Variants in STXBP5L observed in about 807,000 individuals in gnomAD.
STXBP5L encodes the protein syntaxin-binding protein 5-like.
A neutral mutation model predicts 144.5 loss-of-function variants in STXBP5L; 65 were observed. The observed-to-expected ratio is 0.45, with a 90% CI of 0.37 to 0.55. The LOEUF is 0.55. Ranked by LOEUF, STXBP5L falls within the 20% of genes least tolerant of loss-of-function variation. STXBP5L has a pLI of 0.00. For synonymous variants in STXBP5L, 505 were observed against 469.6 expected (o/e 1.08, Z -0.97); for missense variants, 1,298 against 1,405.5 (o/e 0.92, Z 1.22).
At chr3:120,961,345 T>G (rs1938791241) in intron 3 of STXBP5L, among the ~76,000 whole-genome samples, 1 of 151,952 alleles carries the variant, frequency 6.6e-6, no homozygotes, top group African/African-American at 2.4e-5. Flanking sequence ...TACATAGGTA[T>G]ACGTGTACCA....
intron 19 of STXBP5L, among the ~76,000 whole-genome samples, chr3:121,297,207 TG>T (rs2108479760): frequency 3.6e-5 from 1 of 28,064 alleles, no homozygotes; most frequent in East Asian, 3.0e-3. Flanking sequence ...ATTATATGTG[TG>T]TGTGTGTGTG....
rs185024278 is a variant in STXBP5L at position 121,394,325 on chromosome 3, T to A, written c.2587+12793T>A. 5.7e-4 allele frequency among the ~76,000 whole-genome samples: 87 copies of A among 152,110 alleles called. 2 individuals carry two copies. The East Asian group carries it at 0.011, about 20-fold the overall frequency. Reference sequence around the variant, plus strand: ...CAAATCTAGGAGTCTTTTGAAGGAGTCTTTAGGGTTTTCTAGTTATAAGGT... The same window carrying A: ...CAAATCTAGGAGTCTTTTGAAGGAGACTTTAGGGTTTTCTAGTTATAAGGT... On this transcript the variant is annotated intron_variant, in intron 22 of 26. Coordinates refer to ENST00000471454, the MANE Select transcript of STXBP5L (RefSeq NM_001308330.2).
intron 5 of STXBP5L, among the ~76,000 whole-genome samples, chr3:121,053,094 G>A (rs1287999214): frequency 1.3e-5 from 2 of 152,110 alleles, no homozygotes; most frequent in Non-Finnish European, 2.9e-5. Flanking sequence ...GGAAATAGAG[G>A]ATACAAACAA....
chr3:121,145,238 A>G (rs1018502198), intron 7 of STXBP5L, among the ~76,000 whole-genome samples: 1 of 151,904 alleles, frequency 6.6e-6, no homozygotes, highest in Non-Finnish European at 1.5e-5. Flanking sequence ...GAATCCCACC[A>G]GCACATTAAA....
Position 121,282,247 on chromosome 3 carries a change from G to T in STXBP5L, c.2110+2291G>T, listed in dbSNP as rs753333961. ...TCTTCTGCCTGCTGCTGATGCTGGT[G>T]GTCTGGCATGTTCCAAAGACAACTT... On this transcript the variant is annotated intron_variant, in intron 19 of 26. Coordinates refer to ENST00000471454, the MANE Select transcript of STXBP5L (RefSeq NM_001308330.2). The T allele has an allele frequency of 2.5e-6, 4 of 1,606,758 alleles. No individual in the cohort carries two copies. In the Admixed American group the frequency reaches 5.0e-5, roughly 20 times the overall value.
chr3:121,338,682 GGAAA>G (rs2044599958), intron 20 of STXBP5L, among the ~76,000 whole-genome samples: 1 of 150,244 alleles, frequency 6.7e-6, no homozygotes, highest in Non-Finnish European at 1.5e-5. Context: ...GAAAGAGGAA[GGAAA>G]GAAGGAAGGA....
chr3:120,999,518 TTATC>T (rs1391503318), intron 3 of STXBP5L, among the ~76,000 whole-genome samples: 8 of 152,268 alleles, frequency 5.3e-5, no homozygotes, highest in Admixed American at 3.9e-4. Flanking sequence ...TGTTGCTTCT[TTATC>T]TAATTGACTA....
At chr3:120,924,239 A>G (rs1297931472) in intron 2 of STXBP5L, among the ~76,000 whole-genome samples, 3 of 152,166 alleles carry the variant, frequency 2.0e-5, no homozygotes, top group African/African-American at 7.2e-5. Flanking sequence ...TATTCCACTT[A>G]AATTAGAAAA....
chr3:120,994,291 C>G (rs1164290306), intron 3 of STXBP5L, among the ~76,000 whole-genome samples: 1 of 151,954 alleles, frequency 6.6e-6, no homozygotes, highest in Non-Finnish European at 1.5e-5. Context: ...TTTTCTCCTG[C>G]CTAATTGCTC....
intron 25 of STXBP5L, among the ~76,000 whole-genome samples, chr3:121,417,981 C>A (rs775210834): frequency 2.0e-5 from 3 of 152,036 alleles, no homozygotes; most frequent in Admixed American, 6.6e-5. Context: ...AAAACTCAGG[C>A]AGAAATTTAA....
chr3:121,356,610 G>C (rs1576273779), intron 20 of STXBP5L, among the ~76,000 whole-genome samples: 1 of 152,214 alleles, frequency 6.6e-6, no homozygotes, highest in African/African-American at 2.4e-5. Flanking sequence ...GCTTCCCTTT[G>C]CTAGGAAAGG....
At chr3:120,938,170 A>G (rs1286474890) in intron 2 of STXBP5L, among the ~76,000 whole-genome samples, 1 of 152,104 alleles carries the variant, frequency 6.6e-6, no homozygotes, top group Non-Finnish European at 1.5e-5. Context: ...ATTACATGTA[A>G]AAAGTTTTTA....
At chr3:121,092,005 T>A (rs2042829671) in intron 5 of STXBP5L, among the ~76,000 whole-genome samples, 1 of 152,198 alleles carries the variant, frequency 6.6e-6, no homozygotes, top group African/African-American at 2.4e-5. Flanking sequence ...GCTAGCCTGT[T>A]TTCCCAGCAC....
At chr3:120,956,659 A>G (rs1038727670) in intron 3 of STXBP5L, among the ~76,000 whole-genome samples, 3 of 151,908 alleles carry the variant, frequency 2.0e-5, no homozygotes, top group African/African-American at 7.2e-5. Context: ...TCTCTTTGAA[A>G]TGTTGCTTTT....
intron 19 of STXBP5L, among the ~76,000 whole-genome samples, chr3:121,317,560 C>T (rs972151163): frequency 6.6e-5 from 10 of 152,148 alleles, no homozygotes; most frequent in Admixed American, 6.5e-4. Context: ...GAAAATAGCT[C>T]TCAAATGTTT....
intron 8 of STXBP5L, among the ~76,000 whole-genome samples, chr3:121,155,685 T>G (rs1383674889): frequency 6.6e-6 from 1 of 151,794 alleles, no homozygotes; most frequent in East Asian, 1.9e-4. Flanking sequence ...AATTGAATAT[T>G]TATCCATCAA....
intron 20 of STXBP5L, among the ~76,000 whole-genome samples, chr3:121,378,420 A>T (rs903478903): frequency 6.6e-6 from 1 of 152,138 alleles, no homozygotes; most frequent in Non-Finnish European, 1.5e-5. Context: ...ATGCAACAAA[A>T]AGTTTAATAC....
At chr3:120,975,602 G>C (rs1305328954) in intron 3 of STXBP5L, among the ~76,000 whole-genome samples, 1 of 152,132 alleles carries the variant, frequency 6.6e-6, no homozygotes, top group Non-Finnish European at 1.5e-5. Flanking sequence ...TGGTGAGAGA[G>C]GGCATCCCTG....
chr3:121,349,789 T>C (rs565558785), intron 20 of STXBP5L, among the ~76,000 whole-genome samples: 7 of 152,212 alleles, frequency 4.6e-5, no homozygotes, highest in Admixed American at 3.3e-4. Context: ...CCCCTGCCTT[T>C]TTTTTGTTTT....
Sources: gnomAD v4.1 joint callset for allele counts (sites outside exome capture counted in the v4.1 genomes callset) on GRCh38, gnomAD v4.1.1 for gene constraint, MANE v1.5 for transcripts, NCBI Gene and HGNC (gene_info 2026-07-23, HGNC 2026-07-21) for gene names.